BICD1: variants seen among roughly 807,000 people sequenced by gnomAD.
BICD1 encodes protein bicaudal D homolog 1.
Under a neutral mutation model 92.5 loss-of-function variants are expected in BICD1, and 35 were observed. The ratio of observed to expected loss-of-function variants is 0.38; its 90% CI spans 0.29 to 0.50. The LOEUF (loss-of-function observed/expected upper bound fraction) is 0.50. BICD1 is among the 20% of genes least tolerant of loss of function. BICD1 has a pLI of 0.93. For synonymous variants in BICD1, 429 were observed against 465.1 expected, an observed-to-expected ratio of 0.92 and a Z score of 1.00; for missense variants, 950 against 1,189.8, an observed-to-expected ratio of 0.80 and a Z score of 2.97.
At position 32,379,721 on chromosome 12, in the gene BICD1, T is replaced by C. The variant is rs755846791; in HGVS notation, c.*2094T>C. The C allele has an allele frequency of 6.6e-6, 1 of 152,212 alleles. No individual in the cohort carries two copies. The highest frequency in any genetic ancestry group is 6.5e-5 in the Admixed American group (1 of 15,282). 9.4% of individuals were successfully genotyped at this position (152,212 alleles called of 1,614,324 possible). On this transcript the variant is annotated 3_prime_UTR_variant, in exon 10 of 10. Coordinates refer to ENST00000652176, the MANE Select transcript of BICD1 (RefSeq NM_001714.4). ...TGGACCTGAGAAGTGGCATAGCTGC[T>C]AAGTTGACTTTTAATAAAAAACTGT...
intron 1 of BICD1, among the ~76,000 whole-genome samples, chr12:32,201,022 T>C (rs571153753): frequency 6.6e-6 from 1 of 152,224 alleles, no homozygotes; most frequent in Non-Finnish European, 1.5e-5. Flanking sequence ...GGTAACTCCA[T>C]GTCAATACTG....
intron 8 of BICD1, among the ~76,000 whole-genome samples, chr12:32,355,308 T>C (rs1939053377): frequency 6.6e-6 from 1 of 152,170 alleles, no homozygotes; most frequent in Non-Finnish European, 1.5e-5. Flanking sequence ...AATTAAACAG[T>C]GACATTGATG....
chr12:32,223,294 G>A (rs987155029), intron 2 of BICD1, among the ~76,000 whole-genome samples: 1 of 152,166 alleles, frequency 6.6e-6, no homozygotes, highest in Non-Finnish European at 1.5e-5. Context: ...AAGGCAAGTG[G>A]ACCATCTGAG....
At chr12:32,272,007 C>A (rs768840785) in intron 2 of BICD1, among the ~76,000 whole-genome samples, 85 of 152,082 alleles carry the variant, frequency 5.6e-4, no homozygotes, top group Non-Finnish European at 1.0e-3. Flanking sequence ...TCAGTTTACC[C>A]ATTATTGTAG....
At chr12:32,232,586 AG>A (rs1304349342) in intron 2 of BICD1, among the ~76,000 whole-genome samples, 4 of 150,448 alleles carry the variant, frequency 2.7e-5, no homozygotes, top group African/African-American at 9.8e-5. Context: ...GAAGCTCTTT[AG>A]TTTAATTAGA....
At chr12:32,357,809 C>G (rs1458208367) in intron 8 of BICD1, among the ~76,000 whole-genome samples, 1 of 152,192 alleles carries the variant, frequency 6.6e-6, no homozygotes, top group African/African-American at 2.4e-5. Flanking sequence ...CCAACTCTAA[C>G]AGTGTCACTT....
rs147199362 is a variant in BICD1, at chr12:32,297,294, G to A, written c.579+3148G>A. On this transcript the variant is annotated intron_variant, in intron 3 of 9. Transcript: ENST00000652176. Reference sequence around the variant, plus strand: ...TTAATCTCGGCTCACTGCAACCTCCGCCTCCTGGTCTTGTGACTCGGCCTC... The same window carrying A: ...TTAATCTCGGCTCACTGCAACCTCCACCTCCTGGTCTTGTGACTCGGCCTC... Among the ~76,000 whole-genome samples the A allele has an allele frequency of 5.7e-3, 866 of 152,140 alleles. 8 individuals carry two copies. Among genetic ancestry groups the A allele is most frequent in the African/African-American group, 0.02 (811 of 41,500 alleles).
At chr12:32,371,484 A>T (rs976595495) in intron 9 of BICD1, among the ~76,000 whole-genome samples, 4 of 152,206 alleles carry the variant, frequency 2.6e-5, no homozygotes, top group African/African-American at 9.7e-5. Context: ...ATTTCTTTAC[A>T]CATATTAAAC....
chr12:32,292,409 C>T (rs1947749388), intron 2 of BICD1, among the ~76,000 whole-genome samples: 1 of 152,196 alleles, frequency 6.6e-6, no homozygotes, highest in Non-Finnish European at 1.5e-5. Flanking sequence ...TGGGCCTCCT[C>T]TAATGATCTC....
At chr12:32,279,534 A>C (rs1947362473) in intron 2 of BICD1, among the ~76,000 whole-genome samples, 1 of 152,264 alleles carries the variant, frequency 6.6e-6, no homozygotes, top group South Asian at 2.1e-4. Flanking sequence ...AAGAAGAAAA[A>C]ATAGAAATCA....
rs1265623310 is a variant in BICD1, at chr12:32,378,930, A to G, written c.*1303A>G. On this transcript the variant is annotated 3_prime_UTR_variant, in exon 10 of 10. Transcript: ENST00000652176. ...GCAGTGGATTTTCATAGCAAAATTT[A>G]TTTTGCACATAATCTGACAAACAAG... The G allele has an allele frequency of 6.6e-6, 1 of 152,186 alleles. No individual in the cohort carries two copies. The highest frequency in any genetic ancestry group is 1.5e-5 in the Non-Finnish European group (1 of 68,034). 9.4% of individuals were successfully genotyped at this position (152,186 alleles called of 1,614,324 possible).
intron 1 of BICD1, among the ~76,000 whole-genome samples, chr12:32,179,989 C>CAAAAA (rs4001794): frequency 8.2e-6 from 1 of 122,210 alleles, no homozygotes; most frequent in Non-Finnish European, 1.7e-5. Context: ...GACACGCTCT[C>CAAAAA]AAAAAAAAAA....
chr12:32,163,674 C>G (rs1454451180), intron 1 of BICD1, among the ~76,000 whole-genome samples: 1 of 152,030 alleles, frequency 6.6e-6, no homozygotes, highest in Non-Finnish European at 1.5e-5. Context: ...TTGCTGTTTC[C>G]CGTTTTCCAG....
intron 2 of BICD1, among the ~76,000 whole-genome samples, chr12:32,253,373 G>A (rs1769749831): frequency 1.3e-5 from 2 of 152,060 alleles, no homozygotes; most frequent in African/African-American, 2.4e-5. Context: ...CTGACTCATC[G>A]TTTGACTTTA....
chr12:32,123,725 A>G (rs1342401207), intron 1 of BICD1, among the ~76,000 whole-genome samples: 2 of 152,112 alleles, frequency 1.3e-5, no homozygotes, highest in African/African-American at 4.8e-5. Context: ...AAAAATACAA[A>G]AAATAAGCCA....
At chr12:32,317,310 T>C (rs908435436) in intron 4 of BICD1, among the ~76,000 whole-genome samples, 2 of 152,238 alleles carry the variant, frequency 1.3e-5, no homozygotes, top group Non-Finnish European at 2.9e-5. Flanking sequence ...CGAACTAGTT[T>C]ACAGTCCTAC....
chr12:32,158,238 T>C (rs1324134398), intron 1 of BICD1, among the ~76,000 whole-genome samples: 2 of 151,946 alleles, frequency 1.3e-5, no homozygotes, highest in Non-Finnish European at 2.9e-5. Context: ...CCTGAGTAGC[T>C]GGGATTACAG....
chr12:32,354,430 G>T (rs1939019684), intron 8 of BICD1, among the ~76,000 whole-genome samples: 1 of 152,148 alleles, frequency 6.6e-6, no homozygotes, highest in South Asian at 2.1e-4. Flanking sequence ...GAAATTTTTT[G>T]ATGTGTTTCA....
chr12:32,192,475 T>TAGA (rs1247537184), intron 1 of BICD1, among the ~76,000 whole-genome samples: 1 of 147,294 alleles, frequency 6.8e-6, no homozygotes, highest in Non-Finnish European at 1.5e-5. Context: ...GATAGATAGA[T>TAGA]AGACAAATAA....
Sources: gnomAD v4.1 joint callset for allele counts (sites outside exome capture counted in the v4.1 genomes callset) on GRCh38, gnomAD v4.1.1 for gene constraint, MANE v1.5 for transcripts, NCBI Gene and HGNC (gene_info 2026-07-23, HGNC 2026-07-21) for gene names.